Variants in SEC16A observed in about 807,000 individuals in gnomAD.
The protein encoded by SEC16A is SEC16 homolog A, endoplasmic reticulum export factor.
A neutral mutation model predicts 221.9 loss-of-function variants in SEC16A; 110 were observed. That is an observed-to-expected ratio of 0.50 (90% confidence interval 0.42 to 0.58). The LOEUF (loss-of-function observed/expected upper bound fraction) is 0.58. Among genes scored for constraint, SEC16A ranks in the 20% least tolerant of loss-of-function variants. SEC16A has a pLI of 0.00. For missense variants in SEC16A, 3,165 were observed against 3,097.8 expected (o/e 1.02, Z -0.52); for synonymous variants, 1,393 against 1,257.7 (o/e 1.11, Z -2.28).
upstream of SEC16A, chr9:136,483,557 C>G: frequency 3.0e-6 from 3 of 985,234 alleles, no homozygotes; most frequent in Non-Finnish European, 3.6e-6. Flanking sequence ...GCGCCGGGGC[C>G]GTCCCAGTAC....
chr9:136,447,900 C>T lies in SEC16A; in HGVS notation c.6400G>A (p.Asp2134Asn), dbSNP rs1837232284. Residue 2134 changes from aspartate to asparagine, a missense_variant, in exon 25 of 32, where the codon GAT (aspartate) becomes AAT (asparagine). Asp to Asn is a conservative substitution (Grantham distance 23). Around this residue, in one of 3 missense-constraint regions of SEC16A, gnomAD observed 1,088 missense variants for 1,089.6 expected, o/e 1.00. Coordinates refer to ENST00000684901, the MANE Select transcript of SEC16A (RefSeq NM_014866.2). This position sits in a 1 kb window ranked among gnomAD's most constrained non-coding sequence, Gnocchi z 5.5. ...TTCACCCACTGGTTTTTCTTTTCAT[C>T]CCAAACAATCTGCCAAGATTTTAAA... ...PDDKNKSIVW[D>N]EKKNQWVNLN... The T allele has an allele frequency of 6.2e-7, 1 of 1,608,218 alleles. No individual in the cohort carries two copies. The highest frequency in any genetic ancestry group is 8.5e-7 in the Non-Finnish European group (1 of 1,176,954).
At chr9:136,468,314 G>C in intron 5 of SEC16A, 101 bp downstream of exon 5, 1 of 653,278 alleles carries the variant, frequency 1.5e-6, no homozygotes, top group Non-Finnish European at 2.7e-6. Flanking sequence ...GACATTTCCT[G>C]GAAGTCACCA....
Position 136,476,951 on chromosome 9 carries a change from G to C in SEC16A, c.665C>G (p.Pro222Arg), listed in dbSNP as rs1435858684. The change falls in exon 3 of 32, where the codon CCA (proline) becomes CGA (arginine). Residue 222 changes from proline to arginine, a missense_variant. Pro to Arg is a moderately radical substitution (Grantham distance 103, BLOSUM62 -2). Around this residue, in one of 3 missense-constraint regions of SEC16A, gnomAD observed 2,030 missense variants for 1,923.1 expected, o/e 1.06. Coordinates refer to ENST00000684901, the MANE Select transcript of SEC16A (RefSeq NM_014866.2). ...PGQWGPVQGG[P>R]QPSGQHRSPC... ...TGAACGATGTTGCCCCGAGGGCTGT[G>C]GGCCTCCCTGCACTGGCCCCCACTG... is the stretch of plus-strand genomic sequence containing the variant. 5 of 1,612,642 alleles carry C rather than the reference G, an allele frequency of 3.1e-6. No homozygotes were observed. Among genetic ancestry groups the C allele is most frequent in the Non-Finnish European group, 4.2e-6 (5 of 1,179,704 alleles).
At position 136,447,799 on chromosome 9, in the gene SEC16A, G is replaced by A. The variant is rs1247079930; in HGVS notation, c.6447+54C>T. On this transcript the variant is annotated intron_variant, in intron 25 of 31. Coordinates refer to ENST00000684901, the MANE Select transcript of SEC16A (RefSeq NM_014866.2). This position sits in a 1 kb window ranked among gnomAD's most constrained non-coding sequence, Gnocchi z 5.5. ...CCCAAATATCACAGGGCCACATGAG[G>A]CTGTTCCCTCCACTCACACCTCACA... is the stretch of plus-strand genomic sequence containing the variant. 1.1e-5 allele frequency: 17 copies of A among 1,566,954 alleles called. No individual in the cohort carries two copies. Among genetic ancestry groups the A allele is most frequent in the Non-Finnish European group, 1.4e-5 (16 of 1,143,902 alleles).
At position 136,476,644 on chromosome 9, in the gene SEC16A, C is replaced by A; in HGVS notation, c.972G>T (p.Lys324Asn). ...GAGCAGAGGCGGGCCGGTGCTCATTCTTCACTCCTGGATTCTGCCTGAGCT... is the reference window on the plus strand; with the variant it reads ...GAGCAGAGGCGGGCCGGTGCTCATTATTCACTCCTGGATTCTGCCTGAGCT... ...SPELRQNPGVKNEHRPASALV... is the reference protein window; with the variant it reads ...SPELRQNPGVNNEHRPASALV... The change falls in exon 3 of 32, where the codon AAG becomes AAT. Residue 324 changes from lysine (K) to asparagine (N), a missense_variant. Transcript: ENST00000684901. The A allele has an allele frequency of 6.3e-7, 1 of 1,575,456 alleles. No individual in the cohort carries two copies. Among genetic ancestry groups the A allele is most frequent in the Non-Finnish European group, 8.6e-7 (1 of 1,158,780 alleles).
Position 136,476,152 on chromosome 9 carries a change from T to A in SEC16A, c.1464A>T (p.Arg488Ser). ...CAGCTGGCCCAGGAAGGGGCCCATA[T>A]CTGAACTGGTCACTCGGGGAGGAAG... ...LDPSSPSDQF[R>S]YGPLPGPAVP... The change falls in exon 3 of 32, where the codon AGA becomes AGT. Residue 488 changes from arginine (R) to serine (S), a missense_variant. By Grantham distance (110) the Arg-to-Ser change is moderately radical (BLOSUM62 -1). This residue lies in a region of SEC16A where 2,030 missense variants were observed against 1,923.1 expected (regional missense o/e 1.06). Coordinates refer to ENST00000684901, the MANE Select transcript of SEC16A (RefSeq NM_014866.2). 1 of 1,613,846 alleles carries A rather than the reference T, an allele frequency of 6.2e-7. No homozygotes were observed. The highest frequency in any genetic ancestry group is 1.1e-5 in the South Asian group (1 of 91,088).
At chr9:136,484,413 C>T (rs1384437435), upstream of SEC16A, 2 of 1,196,606 alleles carry the variant, frequency 1.7e-6, no homozygotes, top group Non-Finnish European at 2.1e-6. Flanking sequence ...TTCGGAGGAG[C>T]CGAGGGAGGC....
intron 4 of SEC16A, 144 bp from the exon 5 acceptor site, chr9:136,468,656 A>G: frequency 1.7e-6 from 1 of 593,866 alleles, no homozygotes; most frequent in Non-Finnish European, 3.0e-6. Context: ...GATTCAAAAC[A>G]GTAGCAAGGA....
intron 28 of SEC16A, among the ~76,000 whole-genome samples, chr9:136,446,432 TG>T (rs1218104655): frequency 6.6e-6 from 1 of 151,570 alleles, no homozygotes; most frequent in Admixed American, 6.6e-5. Flanking sequence ...CTACTTCACA[TG>T]GGAGTCATTT....
Position 136,447,958 on chromosome 9 carries a change from G to C in SEC16A, c.6391-49C>G. 6.4e-7 allele frequency: 1 copy of C among 1,556,008 alleles called. No individual in the cohort carries two copies. The highest frequency in any genetic ancestry group is 1.2e-5 in the South Asian group (1 of 86,482). ...AAGGTCAGCAGACTGAACCTAAACA[G>C]AATTAGCATCTGATTAATGATGACA... On this transcript the variant is annotated intron_variant, in intron 24 of 31. Transcript: ENST00000684901. This position sits in a 1 kb window ranked among gnomAD's most constrained non-coding sequence, Gnocchi z 5.5.
At position 136,466,234 on chromosome 9, in the gene SEC16A, T is replaced by G; in HGVS notation, c.4128+30A>C. ...AGGATGGTGGTTCTAAACACAACCG[T>G]CCGCGTGTCTGTGAGGCGCCGCCGC... On this transcript the variant is annotated intron_variant, in intron 7 of 31. Coordinates refer to ENST00000684901, the MANE Select transcript of SEC16A (RefSeq NM_014866.2). This position sits in a 1 kb window ranked among gnomAD's most constrained non-coding sequence, Gnocchi z 5.5. 6.3e-7 allele frequency: 1 copy of G among 1,587,856 alleles called. No homozygotes were observed.
At position 136,476,167 on chromosome 9, in the gene SEC16A, C is replaced by T. The variant is rs369674828; in HGVS notation, c.1449G>A (p.Pro483=). The T allele has an allele frequency of 1.1e-5, 18 of 1,613,828 alleles. 1 individual carries two copies. The highest frequency in any genetic ancestry group is 5.0e-5 in the Admixed American group (3 of 60,016). Residue 483 remains proline (P), a synonymous_variant, in exon 3 of 32, where the codon CCG becomes CCA. Coordinates refer to ENST00000684901, the MANE Select transcript of SEC16A (RefSeq NM_014866.2). Reference sequence around the variant, plus strand: ...GGGGCCCATATCTGAACTGGTCACTCGGGGAGGAAGGGTCCAAATTGAGGG... The same window carrying T: ...GGGGCCCATATCTGAACTGGTCACTTGGGGAGGAAGGGTCCAAATTGAGGG... The part of the protein sequence containing the change: ...SEPLNLDPSS[P]SDQFRYGPLP...
chr9:136,448,208 T>C, intron 23 of SEC16A, 47 bp from the exon 24 acceptor site: 5 of 1,534,168 alleles, frequency 3.3e-6, no homozygotes, highest in Non-Finnish European at 4.5e-6. Flanking sequence ...TTATGTTCCA[T>C]GAAATAAGCC....
chr9:136,467,637 G>A (rs1840321889), intron 5 of SEC16A, among the ~76,000 whole-genome samples: 1 of 152,124 alleles, frequency 6.6e-6, no homozygotes, highest in African/African-American at 2.4e-5. Flanking sequence ...TACTTTAAAA[G>A]GGCTCTAAAC....
rs1333799526 is a variant in SEC16A, at chr9:136,472,079, C to A, written c.3600G>T (p.Arg1200Ser). Residue 1200 changes from arginine to serine, a missense_variant, in exon 4 of 32, where the codon AGG (arginine) becomes AGT (serine). By Grantham distance (110) the Arg-to-Ser change is moderately radical (BLOSUM62 -1). Around this residue, in one of 3 missense-constraint regions of SEC16A, gnomAD observed 2,030 missense variants for 1,923.1 expected, o/e 1.06. Transcript: ENST00000684901. ...DVYSLYEPRY[R>S]PYDGAASAYA... ...AAGCAGACGCAGCACCATCATAGGG[C>A]CTGTATCGAGGCTCATAGAGGCTGT... The A allele has an allele frequency of 3.1e-6, 5 of 1,613,580 alleles. No individual in the cohort carries two copies. The highest frequency in any genetic ancestry group is 4.2e-6 in the Non-Finnish European group (5 of 1,179,896).
At chr9:136,473,260 T>C (rs572741466) in intron 3 of SEC16A, among the ~76,000 whole-genome samples, 1 of 152,240 alleles carries the variant, frequency 6.6e-6, no homozygotes, top group Non-Finnish European at 1.5e-5. Context: ...AGACCATGGT[T>C]TTCCAATTCC....
chr9:136,454,061 A>G (rs375367915), intron 21 of SEC16A, 48 bp downstream of exon 21: 167 of 1,478,228 alleles, frequency 1.1e-4, no homozygotes, highest in Non-Finnish European at 1.4e-4. Flanking sequence ...CACAAACACC[A>G]CACCCCATGC....
intron 24 of SEC16A, 39 bp downstream of exon 24, chr9:136,448,044 CA>C: frequency 6.3e-7 from 1 of 1,579,890 alleles, no homozygotes; most frequent in Non-Finnish European, 8.7e-7. Flanking sequence ...AAAATCATTA[CA>C]ATTCTTCGGA....
chr9:136,445,496 T>C (rs116367703), intron 29 of SEC16A, 149 bp downstream of exon 29: 46 of 661,402 alleles, frequency 7.0e-5, no homozygotes, highest in Non-Finnish European at 8.2e-5. Context: ...CAATTTTTTT[T>C]CCCCCAGGAA....
Sources: allele counts gnomAD v4.1 joint callset (sites outside exome capture counted in the v4.1 genomes callset), GRCh38; gene constraint gnomAD v4.1.1; regional missense constraint gnomAD v4.1.1; non-coding constraint Gnocchi (gnomAD v3.1); transcripts MANE v1.5; gene names NCBI Gene and HGNC (gene_info 2026-07-23, HGNC 2026-07-21).